Variants in ABCC11 observed in about 807,000 individuals in gnomAD.
ABCC11 encodes the protein ATP binding cassette subfamily C member 11.
Under a neutral mutation model 149.3 loss-of-function variants are expected in ABCC11, and 135 were observed. That is an observed-to-expected ratio of 0.90 (90% confidence interval 0.79 to 1.04). The LOEUF (loss-of-function observed/expected upper bound fraction) is 1.04. ABCC11 is among the 50% of genes least tolerant of loss of function. The pLI, the probability that ABCC11 is intolerant of heterozygous loss-of-function variation, is 0.00. For missense variants in ABCC11, 1,680 were observed against 1,722.1 expected (o/e 0.98, Z 0.43); for synonymous variants, 665 against 671.4 (o/e 0.99, Z 0.15).
intron 6 of ABCC11, among the ~76,000 whole-genome samples, chr16:48,221,047 A>C (rs1969702289): frequency 6.6e-6 from 1 of 152,152 alleles, no homozygotes; most frequent in African/African-American, 2.4e-5. Flanking sequence ...GGATTTTTAA[A>C]GGGCTGGGAG....
At chr16:48,244,688 C>G (rs919352181) in intron 1 of ABCC11, 31 of 1,140,364 alleles carry the variant, frequency 2.7e-5, no homozygotes, top group Non-Finnish European at 3.3e-5. Context: ...GGGCCCAGGC[C>G]ACGGCCTGCC....
chr16:48,186,565 G>A (rs1966757273), intron 22 of ABCC11, among the ~76,000 whole-genome samples: 1 of 152,152 alleles, frequency 6.6e-6, no homozygotes, highest in African/African-American at 2.4e-5. Flanking sequence ...AGTGAAGGAA[G>A]TTCTATTATT....
At chr16:48,240,421 G>C (rs1970907197) in intron 1 of ABCC11, among the ~76,000 whole-genome samples, 1 of 152,098 alleles carries the variant, frequency 6.6e-6, no homozygotes, top group Admixed American at 6.6e-5. Context: ...AACTAACACA[G>C]GATCAGAAAC....
At chr16:48,175,519 C>T in intron 25 of ABCC11, 102 bp from the exon 26 acceptor site, 1 of 1,360,934 alleles carries the variant, frequency 7.3e-7, no homozygotes, top group African/African-American at 1.5e-5. Flanking sequence ...CCCTCCGTGG[C>T]CCATTCTTCA....
chr16:48,193,764 G>T, intron 19 of ABCC11, 115 bp downstream of exon 19: 1 of 834,954 alleles, frequency 1.2e-6, no homozygotes, highest in Non-Finnish European at 1.9e-6. Context: ...CCAGCTCTGG[G>T]CTTGTCATGT....
chr16:48,186,364 T>C (rs1006210066), intron 22 of ABCC11, among the ~76,000 whole-genome samples: 1 of 152,204 alleles, frequency 6.6e-6, no homozygotes, highest in Non-Finnish European at 1.5e-5. Context: ...TTCAATCACG[T>C]ATAATTACAA....
intron 4 of ABCC11, 143 bp from the exon 5 acceptor site, chr16:48,224,572 C>G: frequency 1.1e-6 from 1 of 877,936 alleles, no homozygotes; most frequent in East Asian, 2.8e-5. Context: ...GAGTACTCAT[C>G]CCCCTTTCCA....
At chr16:48,224,146 G>T (rs1969922609) in intron 5 of ABCC11, 136 bp downstream of exon 5, 2 of 1,200,044 alleles carry the variant, frequency 1.7e-6, no homozygotes, top group African/African-American at 1.5e-5. Context: ...GTCCTCAAAA[G>T]GTCTTCATTT....
At chr16:48,182,476 TG>T (rs1966499751) in intron 23 of ABCC11, among the ~76,000 whole-genome samples, 2 of 152,110 alleles carry the variant, frequency 1.3e-5, no homozygotes, top group Non-Finnish European at 2.9e-5. Flanking sequence ...ATGAGCAAAG[TG>T]GTTAAGAACA....
At chr16:48,190,984 G>A (rs561549171) in intron 20 of ABCC11, among the ~76,000 whole-genome samples, 21 of 151,888 alleles carry the variant, frequency 1.4e-4, no homozygotes, top group Non-Finnish European at 2.9e-4. Context: ...GAGTAAAAAA[G>A]ATCAGTGGTT....
intron 20 of ABCC11, among the ~76,000 whole-genome samples, chr16:48,188,371 C>T (rs1396452661): frequency 6.6e-6 from 1 of 152,214 alleles, no homozygotes; most frequent in Non-Finnish European, 1.5e-5. Context: ...GGGCATTCTA[C>T]CAATACCAGC....
chr16:48,221,647 C>T (rs1177119370), intron 6 of ABCC11, among the ~76,000 whole-genome samples: 1 of 152,212 alleles, frequency 6.6e-6, no homozygotes, highest in Non-Finnish European at 1.5e-5. Flanking sequence ...CAACATGCTT[C>T]TATTTGGGAT....
At chr16:48,219,070 A>G (rs567613848) in intron 6 of ABCC11, among the ~76,000 whole-genome samples, 7 of 152,356 alleles carry the variant, frequency 4.6e-5, no homozygotes, top group Non-Finnish European at 1.0e-4. Context: ...GACGCTATGT[A>G]AAACATAGTA....
rs953477681 is a variant in ABCC11 at position 48,210,997 on chromosome 16, C to A, written c.1559G>T (p.Gly520Val). The A allele has an allele frequency of 1.2e-6, 2 of 1,614,078 alleles. No individual in the cohort carries two copies. The highest frequency in any genetic ancestry group is 2.7e-5 in the African/African-American group (2 of 74,934). ...GTGCAACTCTGGGCCCAGGCTGTTC[C>A]CTTCTTCCTCTGGCCCGAGGGCATC... ...PRDALGPEEEGNSLGPELHKI... is the reference protein window; with the variant it reads ...PRDALGPEEEVNSLGPELHKI... Residue 520 changes from glycine (G) to valine (V), a missense_variant, in exon 11 of 30, where the codon GGG becomes GTG. Physicochemically the swap from Gly to Val is moderately radical, Grantham distance 109 (BLOSUM62 -3). Transcript: ENST00000356608.
At chr16:48,231,091 A>C (rs901858045) in intron 2 of ABCC11, among the ~76,000 whole-genome samples, 6 of 152,140 alleles carry the variant, frequency 3.9e-5, no homozygotes, top group Non-Finnish European at 7.4e-5. Flanking sequence ...TAGTGGTTAC[A>C]TCAGGTAGGA....
At chr16:48,228,582 G>A (rs1423463281) in intron 3 of ABCC11, among the ~76,000 whole-genome samples, 5 of 151,020 alleles carry the variant, frequency 3.3e-5, no homozygotes, top group African/African-American at 1.2e-4. Flanking sequence ...GGGAGACAGC[G>A]CACGACTCCG....
At chr16:48,205,353 GA>G in intron 13 of ABCC11, 59 bp downstream of exon 13, 1 of 1,602,120 alleles carries the variant, frequency 6.2e-7, no homozygotes, top group South Asian at 1.1e-5. Flanking sequence ...TTTGAAGCTG[GA>G]GGTGCCCCCA....
intron 28 of ABCC11, among the ~76,000 whole-genome samples, chr16:48,169,543 T>A (rs1334176644): frequency 6.6e-6 from 1 of 152,014 alleles, no homozygotes; most frequent in Non-Finnish European, 1.5e-5. Flanking sequence ...TGGAAATAAT[T>A]AAGAAAATAT....
At chr16:48,246,944 C>T (rs1971420299) in intron 1 of ABCC11, among the ~76,000 whole-genome samples, 1 of 87,910 alleles carries the variant, frequency 1.1e-5, no homozygotes, top group Non-Finnish European at 2.2e-5. Context: ...AAAGTAATCA[C>T]TAATAATCAG....
Sources: allele counts gnomAD v4.1 joint callset (sites outside exome capture counted in the v4.1 genomes callset), GRCh38; gene constraint gnomAD v4.1.1; transcripts MANE v1.5; gene names NCBI Gene and HGNC (gene_info 2026-07-23, HGNC 2026-07-21).